Variants in DDX60 observed in about 807,000 individuals in gnomAD.
The protein encoded by DDX60 is DExD/H-box helicase 60.
In DDX60, 165 loss-of-function variants were observed where a neutral mutation model predicts 212.8. That is an observed-to-expected ratio of 0.78 (90% CI 0.68 to 0.88). The LOEUF is 0.88. Among genes scored for constraint, DDX60 ranks in the 40% least tolerant of loss-of-function variants. The pLI, the probability that DDX60 is intolerant of heterozygous loss-of-function variation, is 0.00. For synonymous variants in DDX60, 703 were observed against 685.3 expected (o/e 1.03, Z -0.40); for missense variants, 1,905 against 2,003.9 (o/e 0.95, Z 0.94).
Position 168,237,724 on chromosome 4 carries a change from G to A in DDX60, c.4236C>T (p.Tyr1412=), listed in dbSNP as rs1286512515. Residue 1412 remains tyrosine, a synonymous_variant, in exon 31 of 38, where the codon TAC becomes TAT. Coordinates refer to ENST00000393743, the MANE Select transcript of DDX60 (RefSeq NM_017631.6). ...QPRVMDMLKL[Y]FLFSLQFLVK... ...CCAGGAACTGCAAAGAAAACAGGAAGTAAAGTTTTAACATGTCCATGACTC... is the reference window on the plus strand; with the variant it reads ...CCAGGAACTGCAAAGAAAACAGGAAATAAAGTTTTAACATGTCCATGACTC... 5.6e-6 allele frequency: 9 copies of A among 1,611,660 alleles called. No individual in the cohort carries two copies. The highest frequency in any genetic ancestry group is 2.2e-5 in the South Asian group (2 of 90,948).
chr4:168,294,740 G>C (rs2149538032), intron 6 of DDX60, among the ~76,000 whole-genome samples: 1 of 152,158 alleles, frequency 6.6e-6, no homozygotes, highest in South Asian at 2.1e-4. Context: ...CACCTCAAAT[G>C]ATCCACCCAC....
chr4:168,324,352 CA>C, the DDX60 span, among the ~76,000 whole-genome samples: 18,962 of 152,116 alleles, frequency 0.12, 2,110 homozygotes, highest in African/African-American at 0.31. Flanking sequence ...AAGTCATGGA[CA>C]AGTTATGGCC....
chr4:168,220,723 GA>G lies in DDX60; in HGVS notation c.4977-7del, dbSNP rs1268326479. 1.3e-5 allele frequency: 18 copies of G among 1,390,916 alleles called. No homozygotes were observed. Among genetic ancestry groups the G allele is most frequent in the Non-Finnish European group, 1.7e-5 (18 of 1,056,324 alleles). The allele number at this position is 1,390,916 out of a possible 1,614,324, so 86.2% of individuals were successfully genotyped here. Reference sequence around the variant, plus strand: ...AAGCATCTCCTTCATTCATCCTAAAGAAAACAACATTTTGAAAATTAATAAT... The same window carrying G: ...AAGCATCTCCTTCATTCATCCTAAAGAAACAACATTTTGAAAATTAATAAT... On this transcript the variant is annotated splice_region_variant and splice_polypyrimidine_tract_variant and intron_variant, in intron 36 of 37. Transcript: ENST00000393743.
chr4:168,243,745 C>G (rs538151945), intron 30 of DDX60, among the ~76,000 whole-genome samples: 44 of 152,240 alleles, frequency 2.9e-4, no homozygotes, highest in African/African-American at 7.9e-4. Flanking sequence ...CCCAGCAATT[C>G]CATTGCTGGG....
chr4:168,267,534 C>T (rs1337777399), intron 22 of DDX60, 48 bp downstream of exon 22: 3 of 896,028 alleles, frequency 3.3e-6, no homozygotes, highest in East Asian at 3.0e-5. Context: ...ATAATATATA[C>T]AAATATTTTA....
chr4:168,254,765 G>C (rs1375295732), intron 26 of DDX60, among the ~76,000 whole-genome samples: 1 of 152,144 alleles, frequency 6.6e-6, no homozygotes, highest in African/African-American at 2.4e-5. Flanking sequence ...ATACCAAAAA[G>C]GGAGCAATCA....
chr4:168,270,293 T>C (rs191087843), intron 19 of DDX60, among the ~76,000 whole-genome samples: 1 of 152,342 alleles, frequency 6.6e-6, no homozygotes, highest in African/African-American at 2.4e-5. Context: ...GATTAAAGTA[T>C]GACACCTAGC....
chr4:168,297,358 GA>G, intron 6 of DDX60, among the ~76,000 whole-genome samples: 1 of 63,528 alleles, frequency 1.6e-5, no homozygotes. Flanking sequence ...AAGAAAGAAA[GA>G]AAGAAAGAAA....
chr4:168,279,789 G>A (rs763108584), intron 14 of DDX60, among the ~76,000 whole-genome samples: 2 of 152,184 alleles, frequency 1.3e-5, no homozygotes, highest in Non-Finnish European at 2.9e-5. Flanking sequence ...CATCTAGGGA[G>A]GAAGATGAAG....
chr4:168,286,531 C>CA (rs1329722971), intron 10 of DDX60, among the ~76,000 whole-genome samples: 1 of 151,506 alleles, frequency 6.6e-6, no homozygotes, highest in Non-Finnish European at 1.5e-5. Flanking sequence ...TTCATGATTC[C>CA]AGGTTAACCA....
intron 30 of DDX60, 134 bp downstream of exon 30, chr4:168,246,284 T>C: frequency 9.8e-7 from 1 of 1,024,084 alleles, no homozygotes; most frequent in Non-Finnish European, 1.4e-6. Context: ...TCTATACGAT[T>C]CAAGACATTA....
intron 25 of DDX60, among the ~76,000 whole-genome samples, 187 bp from the exon 26 acceptor site, chr4:168,256,056 G>A (rs1734397542): frequency 6.6e-6 from 1 of 151,810 alleles, no homozygotes; most frequent in Non-Finnish European, 1.5e-5. Flanking sequence ...CTACCTTATA[G>A]TAAATAATGT....
At chr4:168,286,495 G>A (rs1028724940) in intron 10 of DDX60, among the ~76,000 whole-genome samples, 2 of 149,892 alleles carry the variant, frequency 1.3e-5, no homozygotes, top group African/African-American at 2.5e-5. Flanking sequence ...ACAAATGAAT[G>A]ACTTTTTATT....
At chr4:168,238,463 G>A (rs1411026398) in intron 30 of DDX60, among the ~76,000 whole-genome samples, 2 of 144,594 alleles carry the variant, frequency 1.4e-5, no homozygotes, top group Non-Finnish European at 3.1e-5. Context: ...GGAAGGGAAG[G>A]GAAGGGAAGG....
chr4:168,258,157 C>T (rs374358061), intron 25 of DDX60, among the ~76,000 whole-genome samples: 32 of 91,864 alleles, frequency 3.5e-4, no homozygotes, highest in Non-Finnish European at 6.7e-4. Context: ...AGAATGAATG[C>T]GACCTAGAGA....
At chr4:168,273,639 A>G (rs1429309080) in intron 17 of DDX60, among the ~76,000 whole-genome samples, 1 of 152,212 alleles carries the variant, frequency 6.6e-6, no homozygotes, top group Non-Finnish European at 1.5e-5. Context: ...TATTCATCAG[A>G]AGGAAAAACA....
At chr4:168,222,222 TTAA>T (rs1364427703) in intron 35 of DDX60, among the ~76,000 whole-genome samples, 14 of 152,254 alleles carry the variant, frequency 9.2e-5, no homozygotes, top group Admixed American at 4.6e-4. Flanking sequence ...AAACAGAATA[TTAA>T]TGAGCTAGAG....
In DDX60 at chr4:168,288,277, A is replaced by C. The variant is rs752590715; in HGVS notation, c.1080T>G (p.His360Gln). The change falls in exon 9 of 38, where the codon CAT (histidine) becomes CAG (glutamine). Residue 360 changes from histidine (H) to glutamine (Q), a missense_variant. Coordinates refer to ENST00000393743, the MANE Select transcript of DDX60 (RefSeq NM_017631.6). ...AATTCAGATTCCAAAATTCAAAAGT[A>C]TGTATATTTCTTAAGATGAAATATT... is the stretch of plus-strand genomic sequence containing the variant. ...WCEYFILRNI[H>Q]TFEFWNLNLI... 6.7e-7 allele frequency: 1 copy of C among 1,495,092 alleles called. No homozygotes were observed. The highest frequency in any genetic ancestry group is 9.2e-7 in the Non-Finnish European group (1 of 1,091,568). The allele number at this position is 1,495,092 out of a possible 1,614,324, so 92.6% of individuals were successfully genotyped here.
At position 168,293,954 on chromosome 4, in the gene DDX60, G is replaced by GA. The variant is rs773674352; in HGVS notation, c.724-10dup. 9.4e-6 allele frequency: 15 copies of GA among 1,593,032 alleles called. No individual in the cohort carries two copies. Among genetic ancestry groups the GA allele is most frequent in the African/African-American group, 1.4e-5 (1 of 73,528 alleles). On this transcript the variant is annotated splice_polypyrimidine_tract_variant and intron_variant, in intron 6 of 37. Coordinates refer to ENST00000393743, the MANE Select transcript of DDX60 (RefSeq NM_017631.6). The stretch of plus-strand genomic sequence containing the variant: ...GATACAGTCTTGTGTGCCTGTCAAA[G>GA]AAAAAAATTGTAATGTGTCATGCTA...
Sources: gnomAD v4.1 joint callset for allele counts (sites outside exome capture counted in the v4.1 genomes callset) on GRCh38, gnomAD v4.1.1 for gene constraint, MANE v1.5 for transcripts, NCBI Gene and HGNC (gene_info 2026-07-23, HGNC 2026-07-21) for gene names.